PLCH1: variants seen among roughly 807,000 people sequenced by gnomAD.
The protein encoded by PLCH1 is phospholipase C eta 1.
A neutral mutation model predicts 126.7 loss-of-function variants in PLCH1; 60 were observed. The ratio of observed to expected loss-of-function variants is 0.47; its 90% CI spans 0.38 to 0.59. The LOEUF (loss-of-function observed/expected upper bound fraction) is 0.59. Among genes scored for constraint, PLCH1 ranks in the 20% least tolerant of loss-of-function variants. PLCH1 has a pLI of 0.00. For synonymous variants in PLCH1, 719 were observed against 734.9 expected (o/e 0.98, Z 0.35); for missense variants, 1,723 against 2,040.0 (o/e 0.84, Z 2.99).
chr3:155,556,688 G>A (rs558829761), intron 8 of PLCH1, among the ~76,000 whole-genome samples: 12 of 152,262 alleles, frequency 7.9e-5, no homozygotes, highest in African/African-American at 2.4e-4. Flanking sequence ...AGTGGGCCTC[G>A]CCCAGTCAGC....
chr3:155,458,453 GGAAA>G (rs796818041), intron 21 of PLCH1, among the ~76,000 whole-genome samples: 844 of 28,508 alleles, frequency 0.03, 46 homozygotes, highest in Non-Finnish European at 0.035. Context: ...AAGGAAGGAA[GGAAA>G]GAAAGAAAGA....
At chr3:155,585,632 G>T (rs941713421) in intron 5 of PLCH1, among the ~76,000 whole-genome samples, 3 of 152,166 alleles carry the variant, frequency 2.0e-5, no homozygotes, top group Non-Finnish European at 2.9e-5. Flanking sequence ...GGAGTGAATT[G>T]CCCTCCTAAT....
chr3:155,583,563 C>T lies in PLCH1; in HGVS notation c.680G>A (p.Arg227Gln), dbSNP rs779015700. ...GCTCAAAAGTAACAAATAAAGGTCTCGTCTCAAAGACATCATTTTGTAAAA... is the reference window on the plus strand; with the variant it reads ...GCTCAAAAGTAACAAATAAAGGTCTTGTCTCAAAGACATCATTTTGTAAAA... Reference protein sequence around the residue: ...CVFYKMMSLRRDLYLLLLSYS... With the variant: ...CVFYKMMSLRQDLYLLLLSYS... The change falls in exon 6 of 23, where the codon CGA becomes CAA. Residue 227 changes from arginine to glutamine, a missense_variant. Physicochemically the swap from Arg to Gln is conservative, Grantham distance 43 (BLOSUM62 1). This residue lies in a region of PLCH1 where 776 missense variants were observed against 1,062.9 expected (regional missense o/e 0.73). Transcript: ENST00000460012. The T allele has an allele frequency of 3.7e-6, 6 of 1,603,234 alleles. No homozygotes were observed. Among genetic ancestry groups the T allele is most frequent in the African/African-American group, 2.7e-5 (2 of 74,232 alleles).
rs866862033 is a variant in PLCH1, at chr3:155,545,809, G to A, written c.1362+3978C>T. Among the ~76,000 whole-genome samples the A allele has an allele frequency of 1.6e-4, 24 of 152,140 alleles. No individual in the cohort carries two copies. The South Asian group carries it at 3.3e-3, about 21-fold the overall frequency. ...AAACCACATGATTATCTCAATAGAT[G>A]CAGAAAAGGCCTTTGACAAAATTCA... On this transcript the variant is annotated intron_variant, in intron 10 of 22. Transcript: ENST00000460012.
intron 1 of PLCH1, among the ~76,000 whole-genome samples, chr3:155,734,936 C>T (rs1559972210): frequency 6.6e-6 from 1 of 152,104 alleles, no homozygotes; most frequent in Non-Finnish European, 1.5e-5. Flanking sequence ...GTCTCGATCT[C>T]CTGACCTTGT....
intron 11 of PLCH1, among the ~76,000 whole-genome samples, chr3:155,520,765 G>C (rs761664625): frequency 1.3e-5 from 2 of 152,154 alleles, no homozygotes; most frequent in African/African-American, 2.4e-5. Context: ...GAACACACTG[G>C]CTTTACCTTG....
rs545515301 is a variant in PLCH1, at chr3:155,561,512, T to A, written c.1069+3403A>T. Among the ~76,000 whole-genome samples the A allele has an allele frequency of 6.6e-3, 1,010 of 151,942 alleles. 8 individuals carry two copies. The highest frequency in any genetic ancestry group is 0.024 in the African/African-American group (979 of 41,444). On this transcript the variant is annotated intron_variant, in intron 8 of 22. Transcript: ENST00000460012. Reference sequence around the variant, plus strand: ...TATTCCATGGTGTATATGTGCCACATTTTCTTAATCCAGTCTATCATTGTT... The same window carrying A: ...TATTCCATGGTGTATATGTGCCACAATTTCTTAATCCAGTCTATCATTGTT...
chr3:155,729,917 T>TC lies in PLCH1; in HGVS notation c.-41+14922dup, dbSNP rs1184687246. 3.5e-5 allele frequency among the ~76,000 whole-genome samples: 4 copies of TC among 115,398 alleles called. No individual in the cohort carries two copies. The East Asian group carries it at 8.0e-4, about 23-fold the overall frequency. 75.7% of individuals were successfully genotyped at this position (115,398 alleles called of 152,430 possible). A position where few individuals can be genotyped will look rare whatever the true frequency, so the allele number is the denominator to read the frequency against. On this transcript the variant is annotated intron_variant, in intron 1 of 22. Coordinates refer to ENST00000460012, the MANE Select transcript of PLCH1 (RefSeq NM_014996.4). ...TCCCGCGTGGGTGACACAGCAAGAC[T>TC]CCATCTCAAAAAAAAAAAAAAAAGA...
rs149146029 is a variant in PLCH1 at position 155,515,626 on chromosome 3, T to A, written c.1471-742A>T. Among the ~76,000 whole-genome samples, 233 of 152,324 alleles carry A rather than the reference T, an allele frequency of 1.5e-3. 1 individual carries two copies. Among genetic ancestry groups the A allele is most frequent in the African/African-American group, 5.3e-3 (221 of 41,574 alleles). On this transcript the variant is annotated intron_variant, in intron 11 of 22. Coordinates refer to ENST00000460012, the MANE Select transcript of PLCH1 (RefSeq NM_014996.4). ...GATGACTCACAGAATTTTGAGGTGA[T>A]CATGGGATATAGATTCTCTCAAAGT...
At chr3:155,730,558 G>A (rs1173165269) in intron 1 of PLCH1, among the ~76,000 whole-genome samples, 1 of 152,196 alleles carries the variant, frequency 6.6e-6, no homozygotes, top group Non-Finnish European at 1.5e-5. Flanking sequence ...TGAGATTACA[G>A]GTGTGAGCCA....
chr3:155,586,612 C>A (rs566607439), intron 4 of PLCH1, among the ~76,000 whole-genome samples: 24 of 152,014 alleles, frequency 1.6e-4, no homozygotes, highest in Middle Eastern at 3.4e-3. Context: ...GAGGCTGAGG[C>A]AGGAGAACTG....
chr3:155,642,202 C>T (rs1021822672), intron 2 of PLCH1, among the ~76,000 whole-genome samples: 9 of 152,172 alleles, frequency 5.9e-5, no homozygotes, highest in Non-Finnish European at 8.8e-5. Flanking sequence ...AACTTCCCCA[C>T]GGTCACACAG....
chr3:155,644,688 A>C (rs1739806090), intron 2 of PLCH1, among the ~76,000 whole-genome samples: 1 of 152,212 alleles, frequency 6.6e-6, no homozygotes. Flanking sequence ...TTGAAGGAGA[A>C]GGATAAGAAT....
intron 2 of PLCH1, among the ~76,000 whole-genome samples, chr3:155,699,266 A>C (rs940673248): frequency 4.6e-5 from 7 of 152,018 alleles, no homozygotes; most frequent in Non-Finnish European, 8.8e-5. Flanking sequence ...TAATAGAGAC[A>C]GGGTTTCGCC....
At position 155,458,554 on chromosome 3, in the gene PLCH1, G is replaced by GAA. The variant is rs1199172680; in HGVS notation, c.2938+26801_2938+26802insTT. ...AGAAAGAAAAAGAAAAAGAAAGAAA[G>GAA]AGAAAAAGAAAGAAAGAAAGAAAGA... On this transcript the variant is annotated intron_variant, in intron 21 of 21. Transcript: ENST00000494598. 3.9e-3 allele frequency among the ~76,000 whole-genome samples: 530 copies of GAA among 134,694 alleles called. 13 individuals are homozygous for GAA. The highest frequency in any genetic ancestry group is 0.016 in the African/African-American group (500 of 30,384). 88.4% of individuals were successfully genotyped at this position (134,694 alleles called of 152,430 possible).
chr3:155,561,861 A>C (rs913602996), intron 8 of PLCH1, among the ~76,000 whole-genome samples: 7 of 152,078 alleles, frequency 4.6e-5, no homozygotes, highest in Non-Finnish European at 5.9e-5. Flanking sequence ...GGCTCACTGC[A>C]ACCTCTGCCT....
chr3:155,619,917 C>T (rs1736251035), intron 2 of PLCH1, among the ~76,000 whole-genome samples: 1 of 152,004 alleles, frequency 6.6e-6, no homozygotes, highest in African/African-American at 2.4e-5. Flanking sequence ...TGGGAGAATC[C>T]CCTCAGGTTT....
At chr3:155,736,977 C>T (rs1156233621) in intron 1 of PLCH1, among the ~76,000 whole-genome samples, 2 of 151,882 alleles carry the variant, frequency 1.3e-5, no homozygotes, top group African/African-American at 4.8e-5. Context: ...TGCCTGTAAC[C>T]TCAGCACTTT....
intron 7 of PLCH1, among the ~76,000 whole-genome samples, chr3:155,565,939 C>G (rs1047201860): frequency 2.6e-5 from 4 of 151,118 alleles, no homozygotes; most frequent in African/African-American, 7.3e-5. Flanking sequence ...CTCATGTGAT[C>G]TGCCCGCCTC....
Sources: gnomAD v4.1 joint callset for allele counts (sites outside exome capture counted in the v4.1 genomes callset) on GRCh38, gnomAD v4.1.1 for gene constraint, gnomAD v4.1.1 regional missense constraint, MANE v1.5 for transcripts, NCBI Gene and HGNC (gene_info 2026-07-23, HGNC 2026-07-21) for gene names.